LANCL2: variants seen among roughly 807,000 people sequenced by gnomAD.
LANCL2 encodes the protein lanC-like protein 2.
In LANCL2, 33 loss-of-function variants were observed where a neutral mutation model predicts 56.9. The observed-to-expected ratio is 0.58, with a 90% CI of 0.44 to 0.78. The LOEUF is 0.78. Among genes scored for constraint, LANCL2 ranks in the 30% least tolerant of loss-of-function variants. LANCL2 has a pLI of 0.00. For missense variants in LANCL2, 562 were observed against 580.2 expected (o/e 0.97, Z 0.32); for synonymous variants, 233 against 228.2 (o/e 1.02, Z -0.19).
At chr7:55,368,358 A>C (rs557722488) in intron 1 of LANCL2, among the ~76,000 whole-genome samples, 4 of 152,232 alleles carry the variant, frequency 2.6e-5, no homozygotes, top group Non-Finnish European at 5.9e-5. Context: ...AATGAAATGT[A>C]AGTTGGGGTG....
intron 1 of LANCL2, among the ~76,000 whole-genome samples, chr7:55,366,443 C>A (rs906162936): frequency 1.3e-5 from 2 of 152,254 alleles, no homozygotes; most frequent in Admixed American, 1.3e-4. Context: ...TTCGGCCCTC[C>A]TGGCCCCAAC....
chr7:55,390,048 C>A (rs947422201), intron 1 of LANCL2, among the ~76,000 whole-genome samples: 1 of 152,168 alleles, frequency 6.6e-6, no homozygotes, highest in Non-Finnish European at 1.5e-5. Context: ...AGTCCAGAAT[C>A]CCAAATTTCA....
chr7:55,401,439 G>T (rs988059432), intron 5 of LANCL2, 119 bp downstream of exon 5: 1 of 718,352 alleles, frequency 1.4e-6, no homozygotes, highest in African/African-American at 1.9e-5. Flanking sequence ...TCGCTGATGC[G>T]TAACTCTGCC....
intron 6 of LANCL2, among the ~76,000 whole-genome samples, chr7:55,415,004 AAAG>A (rs1375643201): frequency 5.4e-5 from 8 of 147,202 alleles, no homozygotes; most frequent in African/African-American, 1.5e-4. Flanking sequence ...AAAAAAAAGA[AAAG>A]AAAAGAAAAA....
chr7:55,397,656 C>CTTT lies in LANCL2; in HGVS notation c.323-748_323-746dup, dbSNP rs10659615. 4.5e-3 allele frequency among the ~76,000 whole-genome samples: 486 copies of CTTT among 108,812 alleles called. 10 individuals carry two copies. Among genetic ancestry groups the CTTT allele is most frequent in the Middle Eastern group, 0.013 (2 of 152 alleles). 71.4% of individuals were successfully genotyped at this position (108,812 alleles called of 152,430 possible). A position where few individuals can be genotyped will look rare whatever the true frequency, so the allele number is the denominator to read the frequency against. On this transcript the variant is annotated intron_variant, in intron 2 of 8. Transcript: ENST00000254770. ...CAGTAAATACATATTTATACTGATT[C>CTTT]TTTTTTTTTTTTTTTTTTTTTACTT...
intron 5 of LANCL2, among the ~76,000 whole-genome samples, chr7:55,409,092 GTT>G (rs113959130): frequency 6.9e-6 from 1 of 144,538 alleles, no homozygotes; most frequent in Admixed American, 6.9e-5. Context: ...TGATTTCCAA[GTT>G]TTTTTTTTTT....
chr7:55,379,483 C>CT (rs1414259546), intron 1 of LANCL2, among the ~76,000 whole-genome samples: 3 of 152,142 alleles, frequency 2.0e-5, no homozygotes, highest in African/African-American at 7.2e-5. Flanking sequence ...GCTGGATGCC[C>CT]TACTATTCTG....
At chr7:55,391,745 T>C (rs1790193017) in intron 1 of LANCL2, 48 bp from the exon 2 acceptor site, 1 of 995,490 alleles carries the variant, frequency 1.0e-6, no homozygotes, top group Middle Eastern at 2.1e-4. Flanking sequence ...TATTGCAACA[T>C]TGTCCCATTC....
At chr7:55,377,298 A>G (rs1463674992) in intron 1 of LANCL2, among the ~76,000 whole-genome samples, 1 of 152,172 alleles carries the variant, frequency 6.6e-6, no homozygotes, top group African/African-American at 2.4e-5. Flanking sequence ...ATACCCCTCA[A>G]TTATTCCTGT....
At chr7:55,407,806 T>A (rs1420428112) in intron 5 of LANCL2, among the ~76,000 whole-genome samples, 2 of 152,240 alleles carry the variant, frequency 1.3e-5, no homozygotes, top group African/African-American at 4.8e-5. Flanking sequence ...GGAGTGAATC[T>A]CTTTCTCTAC....
intron 6 of LANCL2, among the ~76,000 whole-genome samples, chr7:55,422,692 C>T (rs1350009405): frequency 6.6e-6 from 1 of 152,210 alleles, no homozygotes; most frequent in Non-Finnish European, 1.5e-5. Context: ...TATGTCCAGC[C>T]TGCTCTTAAA....
intron 4 of LANCL2, 150 bp from the exon 5 acceptor site, chr7:55,401,024 C>T: frequency 7.0e-6 from 3 of 429,468 alleles, no homozygotes; most frequent in Non-Finnish European, 1.2e-5. Context: ...ATAAATATAA[C>T]TATATTAGCT....
chr7:55,412,568 G>T (rs114668174), intron 6 of LANCL2, among the ~76,000 whole-genome samples: 1,799 of 152,258 alleles, frequency 0.012, 37 homozygotes, highest in African/African-American at 0.04. Flanking sequence ...TACGTCTGGG[G>T]TACTATAGGA....
intron 5 of LANCL2, among the ~76,000 whole-genome samples, chr7:55,402,557 C>T (rs1306321571): frequency 4.6e-5 from 6 of 131,722 alleles, no homozygotes; most frequent in Non-Finnish European, 6.6e-5. Flanking sequence ...GGGGGGCTGA[C>T]CCCCCCACAT....
At chr7:55,422,986 C>T (rs1015711120) in intron 6 of LANCL2, among the ~76,000 whole-genome samples, 5 of 152,188 alleles carry the variant, frequency 3.3e-5, no homozygotes, top group African/African-American at 9.7e-5. Context: ...CCAGAGCCCT[C>T]GGGTTTTCCT....
chr7:55,425,638 T>C (rs1483142017), intron 7 of LANCL2, among the ~76,000 whole-genome samples: 1 of 152,244 alleles, frequency 6.6e-6, no homozygotes, highest in Non-Finnish European at 1.5e-5. Flanking sequence ...GTCAATGGCT[T>C]CTGAAGAATA....
chr7:55,403,438 A>T (rs1410685957), intron 5 of LANCL2, among the ~76,000 whole-genome samples: 1 of 138,096 alleles, frequency 7.2e-6, no homozygotes, highest in Non-Finnish European at 1.5e-5. Flanking sequence ...CCGTGGAAAG[A>T]GAGGGAGAGG....
intron 8 of LANCL2, among the ~76,000 whole-genome samples, chr7:55,430,424 C>T (rs148856626): frequency 6.6e-6 from 1 of 152,288 alleles, no homozygotes; most frequent in African/African-American, 2.4e-5. Context: ...AGAACTAATC[C>T]ATGGTGGACC....
chr7:55,385,594 T>C (rs1181136732), intron 1 of LANCL2, among the ~76,000 whole-genome samples: 1 of 152,096 alleles, frequency 6.6e-6, no homozygotes, highest in East Asian at 1.9e-4. Flanking sequence ...TACGAATAGG[T>C]GTGGGTGACA....
Sources: allele counts gnomAD v4.1 joint callset (sites outside exome capture counted in the v4.1 genomes callset), GRCh38; gene constraint gnomAD v4.1.1; transcripts MANE v1.5; gene names NCBI Gene and HGNC (gene_info 2026-07-23, HGNC 2026-07-21).